SERTM1: variants seen among roughly 807,000 people sequenced by gnomAD.
SERTM1 encodes serine rich and transmembrane domain containing 1, also known as serine-rich and transmembrane domain-containing protein 1.
SERTM1 carries 1 observed loss-of-function variant against 5.5 expected under a neutral mutation model. The observed-to-expected ratio is 0.18, with a 90% CI of 0.06 to 0.86. The LOEUF (loss-of-function observed/expected upper bound fraction) is 0.86, where lower values mean the gene tolerates loss of function less well. Among genes scored for constraint, SERTM1 ranks in the 40% least tolerant of loss-of-function variants. The pLI is 0.69. For missense variants in SERTM1, 91 were observed against 122.4 expected, an observed-to-expected ratio of 0.74 and a Z score of 1.21; for synonymous variants, 52 against 55.1, an observed-to-expected ratio of 0.94 and a Z score of 0.25.
At chr13:36,676,030 C>T (rs975683882) in intron 1 of SERTM1, among the ~76,000 whole-genome samples, 1 of 152,104 alleles carries the variant, frequency 6.6e-6, no homozygotes, top group South Asian at 2.1e-4. Flanking sequence ...TTAGTTCGTT[C>T]AGTTCAACAG....
rs3052684 is a variant in SERTM1, at chr13:36,689,506, A to AAATAATAAT, written c.-173-5368_-173-5360dup. Among the ~76,000 whole-genome samples the AAATAATAAT allele has an allele frequency of 1.6e-3, 223 of 142,014 alleles. 3 individuals carry two copies. The highest frequency in any genetic ancestry group is 0.011 in the Middle Eastern group (3 of 272). 93.2% of individuals were successfully genotyped at this position (142,014 alleles called of 152,430 possible). On this transcript the variant is annotated intron_variant, in intron 1 of 1. Coordinates refer to ENST00000315190, the MANE Select transcript of SERTM1 (RefSeq NM_203451.3). ...GGAGACAGAGTGAGACTCTGTCTCA[A>AAATAATAAT]AATAATAATAATAATAATAATAATA...
At chr13:36,694,588 A>C (rs1050929147) in intron 1 of SERTM1, among the ~76,000 whole-genome samples, 4 of 152,242 alleles carry the variant, frequency 2.6e-5, no homozygotes, top group African/African-American at 7.2e-5. Flanking sequence ...CTGTGTTCTC[A>C]TCTCAGAGTG....
intron 1 of SERTM1, among the ~76,000 whole-genome samples, chr13:36,680,801 G>A (rs547444517): frequency 1.4e-4 from 21 of 152,286 alleles, no homozygotes; most frequent in South Asian, 4.1e-4. Context: ...TTGCCAGGCT[G>A]GAGTGCAGTG....
chr13:36,687,675 A>G (rs958274244), intron 1 of SERTM1, among the ~76,000 whole-genome samples: 2 of 152,172 alleles, frequency 1.3e-5, no homozygotes, highest in Admixed American at 6.5e-5. Flanking sequence ...TAAGTGGCAA[A>G]GAAGTTTGGG....
At chr13:36,687,800 G>A (rs1227145779) in intron 1 of SERTM1, among the ~76,000 whole-genome samples, 1 of 151,996 alleles carries the variant, frequency 6.6e-6, no homozygotes, top group Admixed American at 6.6e-5. Flanking sequence ...ACATTTACAG[G>A]AACAGAGACC....
At chr13:36,679,183 A>G (rs1486123166) in intron 1 of SERTM1, among the ~76,000 whole-genome samples, 1 of 152,162 alleles carries the variant, frequency 6.6e-6, no homozygotes, top group Admixed American at 6.5e-5. Context: ...GAGCATCCCT[A>G]ATCCAAAAAT....
rs1436590012 is a variant in SERTM1, at chr13:36,695,325, G to T, written c.247G>T (p.Ala83Ser). The change falls in exon 2 of 2, where the codon GCT (alanine) becomes TCT (serine). Residue 83 changes from alanine (A) to serine (S), a missense_variant. Ala to Ser is a moderately conservative substitution (Grantham distance 99). Coordinates refer to ENST00000315190, the MANE Select transcript of SERTM1 (RefSeq NM_203451.3). ...CTCCTACCCAGAGTATCCAAGCGAC[G>T]CTGGAAGTTCTTTCACCAATTTGGA... ...SSSYPEYPSD[A>S]GSSFTNLEVC... The T allele has an allele frequency of 6.2e-7, 1 of 1,614,016 alleles. No individual in the cohort carries two copies. The highest frequency in any genetic ancestry group is 8.5e-7 in the Non-Finnish European group (1 of 1,179,962).
chr13:36,691,751 C>A (rs1035031805), intron 1 of SERTM1, among the ~76,000 whole-genome samples: 4 of 152,120 alleles, frequency 2.6e-5, no homozygotes, highest in Admixed American at 2.6e-4. Context: ...TTCTTTTCCT[C>A]AAACCTTATC....
chr13:36,682,729 A>T (rs1348407855), intron 1 of SERTM1, among the ~76,000 whole-genome samples: 2 of 152,198 alleles, frequency 1.3e-5, no homozygotes, highest in African/African-American at 4.8e-5. Context: ...ACCATATAAG[A>T]GAAGTCTTAG....
intron 1 of SERTM1, among the ~76,000 whole-genome samples, chr13:36,687,450 C>T (rs751588896): frequency 5.9e-5 from 9 of 151,560 alleles, no homozygotes; most frequent in Admixed American, 2.0e-4. Context: ...CAAAATCTAC[C>T]AATGATCTTG....
At chr13:36,678,346 T>C (rs1220984814) in intron 1 of SERTM1, among the ~76,000 whole-genome samples, 1 of 152,092 alleles carries the variant, frequency 6.6e-6, no homozygotes, top group Admixed American at 6.5e-5. Context: ...GTGTGTATAA[T>C]AGTAGTAGCA....
intron 1 of SERTM1, among the ~76,000 whole-genome samples, chr13:36,685,770 T>C (rs2056736990): frequency 1.3e-5 from 2 of 152,214 alleles, no homozygotes; most frequent in East Asian, 3.9e-4. Context: ...TGAGCCTTTT[T>C]ATCTGTGGAA....
intron 1 of SERTM1, among the ~76,000 whole-genome samples, chr13:36,680,238 C>A (rs1040781146): frequency 5.3e-5 from 8 of 152,094 alleles, no homozygotes; most frequent in African/African-American, 1.9e-4. Flanking sequence ...AGTCTCAGAC[C>A]TTCAGAAAGA....
chr13:36,689,106 C>T (rs2056760727), intron 1 of SERTM1, among the ~76,000 whole-genome samples: 1 of 152,206 alleles, frequency 6.6e-6, no homozygotes, highest in Admixed American at 6.5e-5. Flanking sequence ...TTTAGCTATA[C>T]ATTTTATTCT....
Position 36,695,553 on chromosome 13 carries a change from T to G in SERTM1, c.*151T>G, listed in dbSNP as rs957104885. On this transcript the variant is annotated 3_prime_UTR_variant, in exon 2 of 2. Coordinates refer to ENST00000315190, the MANE Select transcript of SERTM1 (RefSeq NM_203451.3). ...TCTCTGATTTCTTTTCTGTTCATGA[T>G]GCTTTTCATTTGGGGATGGAGACAC... The G allele has an allele frequency of 1.8e-5, 12 of 657,094 alleles. No individual in the cohort carries two copies. Among genetic ancestry groups the G allele is most frequent in the Non-Finnish European group, 2.9e-5 (11 of 375,860 alleles). The allele number at this position is 657,094 out of a possible 1,614,324, so 40.7% of individuals were successfully genotyped here. A position where few individuals can be genotyped will look rare whatever the true frequency, so the allele number is the denominator to read the frequency against.
Position 36,697,501 on chromosome 13 carries a change from C to G in SERTM1, c.*2099C>G, listed in dbSNP as rs2056824271. 1 of 166,232 alleles carries G rather than the reference C, an allele frequency of 6.0e-6. No homozygotes were observed. Among genetic ancestry groups the G allele is most frequent in the Non-Finnish European group, 1.5e-5 (1 of 67,990 alleles). 10.3% of individuals were successfully genotyped at this position (166,232 alleles called of 1,614,324 possible). ...TTTTTTAAATAAAAGGACAAATTTG[C>G]CACACAACAGAACAATCTGAGTATG... On this transcript the variant is annotated 3_prime_UTR_variant, in exon 2 of 2. Transcript: ENST00000315190.
At chr13:36,684,732 A>G (rs1349195552) in intron 1 of SERTM1, among the ~76,000 whole-genome samples, 1 of 152,080 alleles carries the variant, frequency 6.6e-6, no homozygotes. Flanking sequence ...ATAATGGGTG[A>G]AAGTGTAGGC....
rs2056807929 is a variant in SERTM1, at chr13:36,695,532, T to G, written c.*130T>G. 1.4e-6 allele frequency: 1 copy of G among 690,326 alleles called. No homozygotes were observed. Among genetic ancestry groups the G allele is most frequent in the East Asian group, 2.7e-5 (1 of 37,240 alleles). The allele number at this position is 690,326 out of a possible 1,614,324, so 42.8% of individuals were successfully genotyped here. On this transcript the variant is annotated 3_prime_UTR_variant, in exon 2 of 2. Transcript: ENST00000315190. ...CCTGCTTCTCCTTCTCCTTTTTCTCTGATTTCTTTTCTGTTCATGATGCTT... is the reference window on the plus strand; with the variant it reads ...CCTGCTTCTCCTTCTCCTTTTTCTCGGATTTCTTTTCTGTTCATGATGCTT...
At chr13:36,694,793 T>G in intron 1 of SERTM1, 113 bp from the exon 2 acceptor site, 1 of 413,358 alleles carries the variant, frequency 2.4e-6, no homozygotes. Context: ...AGTTATATCA[T>G]CTTGTTTCCT....
Sources: allele counts gnomAD v4.1 joint callset (sites outside exome capture counted in the v4.1 genomes callset), GRCh38; gene constraint gnomAD v4.1.1; transcripts MANE v1.5; gene names NCBI Gene and HGNC (gene_info 2026-07-23, HGNC 2026-07-21).